The following KCND3 variants were observed in gnomAD, a reference collection of about 807,000 sequenced individuals.
KCND3 encodes the protein A-type voltage-gated potassium channel KCND3.
Under a neutral mutation model 51.1 loss-of-function variants are expected in KCND3, and 9 were observed. The observed-to-expected ratio is 0.18, with a 90% CI of 0.11 to 0.31. The LOEUF is 0.31. Ranked by LOEUF, KCND3 falls within the 10% of genes least tolerant of loss-of-function variation. The probability of loss-of-function intolerance (pLI) is 1.00; values close to 1 mark genes in which losing one functional copy is unlikely to be tolerated. For missense variants in KCND3, 526 were observed against 903.8 expected (o/e 0.58, Z 5.36); for synonymous variants, 349 against 368.0 (o/e 0.95, Z 0.59).
intron 1 of KCND3, among the ~76,000 whole-genome samples, chr1:111,984,830 A>G (rs577665335): frequency 1.3e-5 from 2 of 152,116 alleles, no homozygotes; most frequent in East Asian, 1.9e-4. Context: ...GACCCCTCCT[A>G]TTAGAATCCT....
chr1:111,965,157 G>A (rs1239878526), intron 2 of KCND3, among the ~76,000 whole-genome samples: 1 of 150,994 alleles, frequency 6.6e-6, no homozygotes, highest in African/African-American at 2.4e-5. Context: ...AGATCCCCCA[G>A]CAATTCTCTC....
At chr1:111,777,884 C>T (rs1664199681) in intron 6 of KCND3, among the ~76,000 whole-genome samples, 1 of 152,132 alleles carries the variant, frequency 6.6e-6, no homozygotes, top group African/African-American at 2.4e-5. Flanking sequence ...CACAGGATTC[C>T]CTAGGTCAAG....
intron 2 of KCND3, among the ~76,000 whole-genome samples, chr1:111,980,413 C>T (rs893216226): frequency 1.3e-5 from 2 of 152,012 alleles, no homozygotes; most frequent in Admixed American, 6.6e-5. Context: ...TAAAAGGTCT[C>T]GTCACCTGCT....
At chr1:111,821,706 A>C (rs1448642614) in intron 2 of KCND3, among the ~76,000 whole-genome samples, 1 of 152,176 alleles carries the variant, frequency 6.6e-6, no homozygotes, top group African/African-American at 2.4e-5. Flanking sequence ...CTCCTCCTCC[A>C]GTACGAACAG....
At chr1:111,833,485 G>A (rs1180739585) in intron 2 of KCND3, among the ~76,000 whole-genome samples, 1 of 152,234 alleles carries the variant, frequency 6.6e-6, no homozygotes, top group African/African-American at 2.4e-5. Flanking sequence ...TATACTTCAA[G>A]CTGGTAACAA....
intron 2 of KCND3, among the ~76,000 whole-genome samples, chr1:111,831,604 AC>A (rs1666835634): frequency 6.6e-6 from 1 of 152,098 alleles, no homozygotes; most frequent in Non-Finnish European, 1.5e-5. Context: ...AATACGTCCT[AC>A]CTTCCCATTC....
At chr1:111,978,950 C>T (rs957633043) in intron 2 of KCND3, among the ~76,000 whole-genome samples, 1 of 152,168 alleles carries the variant, frequency 6.6e-6, no homozygotes, top group Admixed American at 6.5e-5. Flanking sequence ...CCTGACCCAG[C>T]AATGACCTAC....
intron 3 of KCND3, among the ~76,000 whole-genome samples, chr1:111,785,982 G>A (rs949565310): frequency 3.3e-5 from 5 of 152,216 alleles, no homozygotes; most frequent in African/African-American, 4.8e-5. Context: ...TCTTTCAACA[G>A]TTCTCCTCCT....
chr1:111,945,421 G>A (rs1372223530), intron 2 of KCND3, among the ~76,000 whole-genome samples: 1 of 152,178 alleles, frequency 6.6e-6, no homozygotes, highest in Admixed American at 6.5e-5. Flanking sequence ...ACGGAGCACT[G>A]CCAGTTTCAG....
At chr1:111,917,168 C>T (rs1671256777) in intron 2 of KCND3, among the ~76,000 whole-genome samples, 1 of 152,154 alleles carries the variant, frequency 6.6e-6, no homozygotes, top group Non-Finnish European at 1.5e-5. Context: ...TTATTTTCTC[C>T]CTTGGACTGA....
At chr1:111,940,000 CAT>C (rs1035196885) in intron 2 of KCND3, among the ~76,000 whole-genome samples, 20 of 148,714 alleles carry the variant, frequency 1.3e-4, no homozygotes, top group Admixed American at 2.0e-4. Context: ...AACTTTCTTT[CAT>C]ATGTTTGTTG....
At chr1:111,940,073 G>GTTTTTTTTTTTTTTTTTTTTTTTT (rs61088602) in intron 2 of KCND3, among the ~76,000 whole-genome samples, 160 of 85,466 alleles carry the variant, frequency 1.9e-3, no homozygotes, top group African/African-American at 2.6e-3. Flanking sequence ...CTTTTTGATG[G>GTTTTTTTTTTTTTTTTTTTTTTTT]TTTTTTTTTT....
chr1:111,810,343 C>T (rs17028645), intron 2 of KCND3, among the ~76,000 whole-genome samples: 12,444 of 152,214 alleles, frequency 0.082, 890 homozygotes, highest in African/African-American at 0.18. Context: ...CATGCTGGGA[C>T]CGAATACCTT....
intron 2 of KCND3, among the ~76,000 whole-genome samples, chr1:111,792,530 G>A (rs963090821): frequency 3.9e-5 from 6 of 152,158 alleles, no homozygotes; most frequent in South Asian, 2.1e-4. Flanking sequence ...CTCCACCTCC[G>A]CTCAGTAGCA....
intron 2 of KCND3, among the ~76,000 whole-genome samples, chr1:111,848,373 AG>A (rs1667659770): frequency 2.0e-5 from 3 of 152,164 alleles, no homozygotes. Flanking sequence ...TCTGCATTCG[AG>A]AAAGTCCAAT....
chr1:111,880,051 T>G (rs1388353918), intron 2 of KCND3, among the ~76,000 whole-genome samples: 1 of 152,212 alleles, frequency 6.6e-6, no homozygotes, highest in African/African-American at 2.4e-5. Context: ...TACATGTATA[T>G]GTAGTGAATG....
At chr1:111,964,769 G>A (rs1448709599) in intron 2 of KCND3, among the ~76,000 whole-genome samples, 1 of 152,218 alleles carries the variant, frequency 6.6e-6, no homozygotes, top group Admixed American at 6.5e-5. Flanking sequence ...CTACCCACCA[G>A]GGAGGGACTA....
intron 2 of KCND3, among the ~76,000 whole-genome samples, chr1:111,807,278 A>G (rs1255707167): frequency 6.6e-6 from 1 of 152,258 alleles, no homozygotes; most frequent in Non-Finnish European, 1.5e-5. Context: ...TGGCAGTCCT[A>G]TAAAATTGTG....
At chr1:111,815,110 G>A (rs1322679299) in intron 2 of KCND3, among the ~76,000 whole-genome samples, 1 of 152,174 alleles carries the variant, frequency 6.6e-6, no homozygotes, top group Non-Finnish European at 1.5e-5. Flanking sequence ...AAACAAGGTG[G>A]TCTGTCTGAA....
Sources: allele counts gnomAD v4.1 joint callset (sites outside exome capture counted in the v4.1 genomes callset), GRCh38; gene constraint gnomAD v4.1.1; transcripts MANE v1.5; gene names NCBI Gene and HGNC (gene_info 2026-07-23, HGNC 2026-07-21).